Variants in HS3ST5 observed in about 807,000 individuals in gnomAD.
The protein encoded by HS3ST5 is heparan sulfate-glucosamine 3-sulfotransferase 5.
A neutral mutation model predicts 25.4 loss-of-function variants in HS3ST5; 10 were observed. That is an observed-to-expected ratio of 0.39 (90% CI 0.24 to 0.67). HS3ST5 has a LOEUF of 0.67. Among genes scored for constraint, HS3ST5 ranks in the 30% least tolerant of loss-of-function variants. The pLI, the probability that HS3ST5 is intolerant of heterozygous loss-of-function variation, is 0.44. For missense variants in HS3ST5, 324 were observed against 420.7 expected, an observed-to-expected ratio of 0.77 and a Z score of 2.01; for synonymous variants, 170 against 162.4, an observed-to-expected ratio of 1.05 and a Z score of -0.36.
intron 1 of HS3ST5, among the ~76,000 whole-genome samples, chr6:114,322,231 C>T (rs970021084): frequency 2.6e-5 from 4 of 152,066 alleles, no homozygotes; most frequent in East Asian, 1.9e-4. Context: ...CAATATAATG[C>T]GTCTTTCAGA....
intron 2 of HS3ST5, among the ~76,000 whole-genome samples, chr6:114,193,561 A>G (rs1048496385): frequency 6.6e-6 from 1 of 152,202 alleles, no homozygotes; most frequent in Non-Finnish European, 1.5e-5. Flanking sequence ...CTGACCTTGA[A>G]CAAATTCGTT....
At chr6:114,230,440 C>A (rs1270522541) in intron 1 of HS3ST5, 1 of 152,082 alleles carries the variant, frequency 6.6e-6, no homozygotes, top group Non-Finnish European at 1.5e-5. Flanking sequence ...ACATTTAGCA[C>A]TTCACTACTA....
chr6:114,070,198 CATTG>C (rs1204753280), intron 3 of HS3ST5, among the ~76,000 whole-genome samples: 2 of 150,916 alleles, frequency 1.3e-5, no homozygotes, highest in African/African-American at 2.4e-5. Context: ...AATATTCGTT[CATTG>C]ATTGAGAGCA....
intron 3 of HS3ST5, among the ~76,000 whole-genome samples, chr6:114,153,804 T>C (rs918701084): frequency 1.3e-5 from 2 of 152,184 alleles, no homozygotes; most frequent in African/African-American, 2.4e-5. Context: ...ACTACTATCT[T>C]AGTACTCACA....
intron 1 of HS3ST5, among the ~76,000 whole-genome samples, chr6:114,299,795 A>T (rs949101095): frequency 2.6e-5 from 4 of 152,340 alleles, no homozygotes; most frequent in African/African-American, 9.6e-5. Flanking sequence ...TAAAATACAT[A>T]AAAATAACTA....
At chr6:114,092,689 T>C (rs1365874323) in intron 3 of HS3ST5, among the ~76,000 whole-genome samples, 1 of 151,540 alleles carries the variant, frequency 6.6e-6, no homozygotes, top group Non-Finnish European at 1.5e-5. Flanking sequence ...GTTTTTTTTT[T>C]TTTGAGAAGG....
chr6:114,335,011 T>C (rs919106956), intron 1 of HS3ST5, among the ~76,000 whole-genome samples: 2 of 152,104 alleles, frequency 1.3e-5, no homozygotes, highest in African/African-American at 4.8e-5. Flanking sequence ...TACAGGAAAG[T>C]AGGGAGGCAT....
intron 1 of HS3ST5, among the ~76,000 whole-genome samples, chr6:114,309,851 C>T (rs1455416570): frequency 6.6e-6 from 1 of 152,200 alleles, no homozygotes; most frequent in Non-Finnish European, 1.5e-5. Context: ...AAGATTGTTT[C>T]ACATTCTAAA....
chr6:114,265,727 CACATTTGGCT>C (rs1773377072), intron 1 of HS3ST5, among the ~76,000 whole-genome samples: 1 of 152,172 alleles, frequency 6.6e-6, no homozygotes, highest in African/African-American at 2.4e-5. Flanking sequence ...ATATACCTAA[CACATTTGGCT>C]ACTTATTCCC....
intron 1 of HS3ST5, among the ~76,000 whole-genome samples, chr6:114,232,579 A>G (rs1454831905): frequency 6.6e-6 from 1 of 152,204 alleles, no homozygotes; most frequent in Non-Finnish European, 1.5e-5. Flanking sequence ...CTAAATCCAT[A>G]AAAACCTTCC....
At chr6:114,312,713 T>C (rs530231461) in intron 1 of HS3ST5, among the ~76,000 whole-genome samples, 1 of 152,168 alleles carries the variant, frequency 6.6e-6, no homozygotes, top group Admixed American at 6.5e-5. Flanking sequence ...TAAAAAGAAT[T>C]GAACATATAA....
intron 2 of HS3ST5, among the ~76,000 whole-genome samples, chr6:114,171,254 G>A (rs1779461006): frequency 1.3e-5 from 2 of 152,196 alleles, no homozygotes; most frequent in Non-Finnish European, 2.9e-5. Flanking sequence ...GTAACAATCA[G>A]TGTGATAAAA....
chr6:114,159,548 G>T (rs1367031426), intron 3 of HS3ST5, among the ~76,000 whole-genome samples: 1 of 152,126 alleles, frequency 6.6e-6, no homozygotes, highest in African/African-American at 2.4e-5. Flanking sequence ...GTTATTAAGG[G>T]CTGGGAGGTG....
intron 3 of HS3ST5, among the ~76,000 whole-genome samples, 169 bp from the exon 4 acceptor site, chr6:114,063,046 CT>C (rs775497778): frequency 1.3e-5 from 2 of 152,234 alleles, no homozygotes; most frequent in Admixed American, 6.5e-5. Context: ...ACTTACCTTT[CT>C]TTTCCTGGAC....
intron 2 of HS3ST5, among the ~76,000 whole-genome samples, chr6:114,205,718 G>A (rs114386466): frequency 6.3e-4 from 96 of 152,146 alleles, no homozygotes; most frequent in African/African-American, 2.1e-3. Flanking sequence ...TTATGGACTC[G>A]GGGTAGTGGT....
intron 1 of HS3ST5, among the ~76,000 whole-genome samples, chr6:114,262,522 G>A (rs1217197553): frequency 1.3e-5 from 2 of 151,670 alleles, no homozygotes; most frequent in East Asian, 3.9e-4. Flanking sequence ...ACTCCAGCCT[G>A]GTTAACAGTG....
chr6:114,108,835 T>G (rs553654687), intron 3 of HS3ST5, among the ~76,000 whole-genome samples: 8 of 152,292 alleles, frequency 5.3e-5, no homozygotes, highest in Admixed American at 2.0e-4. Context: ...ATGTGCCATT[T>G]ATTATATGTC....
At chr6:114,253,393 G>A (rs1337575703) in intron 1 of HS3ST5, among the ~76,000 whole-genome samples, 2 of 152,188 alleles carry the variant, frequency 1.3e-5, no homozygotes, top group Non-Finnish European at 2.9e-5. Flanking sequence ...AAGATCCAAA[G>A]AATCGCTGTT....
At chr6:114,184,982 G>A (rs1034825099) in intron 2 of HS3ST5, among the ~76,000 whole-genome samples, 8 of 152,090 alleles carry the variant, frequency 5.3e-5, no homozygotes, top group African/African-American at 1.4e-4. Context: ...TTGGTTTTAC[G>A]GGTTCATAGC....
Sources: allele counts gnomAD v4.1 joint callset (sites outside exome capture counted in the v4.1 genomes callset), GRCh38; gene constraint gnomAD v4.1.1; transcripts MANE v1.5; gene names NCBI Gene and HGNC (gene_info 2026-07-23, HGNC 2026-07-21).